INTS5: variants seen among roughly 807,000 people sequenced by gnomAD.
INTS5 encodes integrator complex subunit 5.
INTS5 carries 29 observed loss-of-function variants against 60.0 expected under a neutral mutation model. The observed-to-expected ratio is 0.48, with a 90% CI of 0.36 to 0.66. INTS5 has a LOEUF of 0.66. INTS5 is among the 30% of genes least tolerant of loss of function. INTS5 has a pLI of 0.00. For missense variants in INTS5, 1,129 were observed against 1,307.9 expected (o/e 0.86, Z 2.11); for synonymous variants, 588 against 558.8 (o/e 1.05, Z -0.74).
rs1343263109 is a variant in INTS5 at position 62,648,071 on chromosome 11, G to C, written c.2009C>G (p.Ala670Gly). The part of the protein sequence containing the change: ...RLHGPPGVAS[A>G]CQLLTRLSQT... The stretch of plus-strand genomic sequence containing the variant: ...AGACAGGCGGGTGAGAAGCTGACAG[G>C]CTGAGGCCACACCTGGGGGTCCATG... The change falls in exon 2 of 2, where the codon GCC becomes GGC. Residue 670 changes from alanine (A) to glycine (G), a missense_variant. By Grantham distance (60) the Ala-to-Gly change is moderately conservative. Transcript: ENST00000330574. This position sits in a 1 kb window ranked among gnomAD's most constrained non-coding sequence, Gnocchi z 4.4. The C allele has an allele frequency of 6.2e-7, 1 of 1,614,138 alleles. No individual in the cohort carries two copies. The highest frequency in any genetic ancestry group is 8.5e-7 in the Non-Finnish European group (1 of 1,179,990).
chr11:62,652,011 A>G (rs1486904552), intron 1 of INTS5, among the ~76,000 whole-genome samples: 1 of 151,970 alleles, frequency 6.6e-6, no homozygotes, highest in East Asian at 1.9e-4. Flanking sequence ...TTGTGTTTCT[A>G]TAATATCTGC....
intron 1 of INTS5, 71 bp from the exon 2 acceptor site, chr11:62,650,070 G>T: frequency 8.0e-7 from 1 of 1,249,802 alleles, no homozygotes; most frequent in Non-Finnish European, 1.1e-6. Context: ...TCCTGTATGA[G>T]CTTTGCCTTT....
chr11:62,647,585 G>A lies in INTS5; in HGVS notation c.2495C>T (p.Pro832Leu). 6.2e-6 allele frequency: 10 copies of A among 1,613,938 alleles called. No homozygotes were observed. The highest frequency in any genetic ancestry group is 8.5e-6 in the Non-Finnish European group (10 of 1,180,022). Residue 832 changes from proline (P) to leucine (L), a missense_variant, in exon 2 of 2, where the codon CCC becomes CTC. Transcript: ENST00000330574. ...PDAAGAELAWPPEEHARATVE... is the reference protein window; with the variant it reads ...PDAAGAELAWLPEEHARATVE... ...GGTGGCCCGGGCGTGTTCCTCGGGG[G>A]GCCAGGCCAGCTCTGCACCAGCTGC... is the stretch of plus-strand genomic sequence containing the variant.
rs750515083 is a variant in INTS5, at chr11:62,647,377, G to A, written c.2703C>T (p.Pro901=). 1.9e-6 allele frequency: 3 copies of A among 1,613,100 alleles called. No homozygotes were observed. The African/African-American group carries it at 4.0e-5, about 22-fold the overall frequency. Residue 901 remains proline (P), a synonymous_variant, in exon 2 of 2, where the codon CCC becomes CCT. Transcript: ENST00000330574. ...AGGTGCAGGATGCCTCCAGGTGCCA[G>A]GGGGAGTGGGTCGTGTCAGGGTGGC... The part of the protein sequence containing the change: ...ASRHPDTTHS[P]WHLEASCTLV...
Position 62,649,022 on chromosome 11 carries a change from C to T in INTS5, c.1058G>A (p.Gly353Asp). The change falls in exon 2 of 2, where the codon GGC becomes GAC. Residue 353 changes from glycine to aspartate, a missense_variant. This residue lies in a region of INTS5 where 1,070 missense variants were observed against 1,246.1 expected (regional missense o/e 0.86). Coordinates refer to ENST00000330574, the MANE Select transcript of INTS5 (RefSeq NM_030628.2). The surrounding 1 kb of genome is among the most constrained non-coding windows in gnomAD (Gnocchi z 6.0). ...ATCCACAAGCTCTCCAGAGACAGTG[C>T]CCAGCAAAGCTGGTGACATGACTGC... The part of the protein sequence containing the change: ...QLAVMSPALL[G>D]TVSGELVDCL... 1.2e-6 allele frequency: 2 copies of T among 1,612,924 alleles called. No homozygotes were observed. Among genetic ancestry groups the T allele is most frequent in the Non-Finnish European group, 1.7e-6 (2 of 1,179,312 alleles).
rs768839886 is a variant in INTS5, at chr11:62,647,808, A to C, written c.2272T>G (p.Leu758Val). The change falls in exon 2 of 2, where the codon TTA becomes GTA. Residue 758 changes from leucine to valine, a missense_variant. Physicochemically the swap from Leu to Val is conservative, Grantham distance 32. Transcript: ENST00000330574. ...VFHAGVIGRGLKPPKFVQSRN... is the reference protein window; with the variant it reads ...VFHAGVIGRGVKPPKFVQSRN... ...GACTGGACAAACTTGGGTGGCTTTA[A>C]GCCACGGCCGATGACTCCAGCATGG... 1.9e-6 allele frequency: 3 copies of C among 1,614,112 alleles called. No individual in the cohort carries two copies. Among genetic ancestry groups the C allele is most frequent in the Non-Finnish European group, 2.5e-6 (3 of 1,180,040 alleles).
intron 1 of INTS5, among the ~76,000 whole-genome samples, chr11:62,652,165 CA>C (rs559845253): frequency 0.016 from 2,063 of 130,986 alleles, 48 homozygotes; most frequent in African/African-American, 0.056. Context: ...ATTAAAAATA[CA>C]AAAAAAAAAA....
At position 62,648,033 on chromosome 11, in the gene INTS5, C is replaced by G. The variant is rs1944551136; in HGVS notation, c.2047G>C (p.Ala683Pro). ...AGCTGCAGGACAGCCTTGAGCCCAG[C>G]TGGGGATGTCTGAGACAGGCGGGTG... ...LLTRLSQTSP[A>P]GLKAVLQLLV... The change falls in exon 2 of 2, where the codon GCT (alanine) becomes CCT (proline). Residue 683 changes from alanine (A) to proline (P), a missense_variant. By Grantham distance (27) the Ala-to-Pro change is conservative (BLOSUM62 -1). Coordinates refer to ENST00000330574, the MANE Select transcript of INTS5 (RefSeq NM_030628.2). This position sits in a 1 kb window ranked among gnomAD's most constrained non-coding sequence, Gnocchi z 4.4. 1 of 1,614,180 alleles carries G rather than the reference C, an allele frequency of 6.2e-7. No homozygotes were observed. Among genetic ancestry groups the G allele is most frequent in the Non-Finnish European group, 8.5e-7 (1 of 1,180,020 alleles).
In INTS5 at chr11:62,649,210, C is replaced by T; in HGVS notation, c.870G>A (p.Lys290=). 1 of 1,613,940 alleles carries T rather than the reference C, an allele frequency of 6.2e-7. No homozygotes were observed. Among genetic ancestry groups the T allele is most frequent in the Non-Finnish European group, 8.5e-7 (1 of 1,179,836 alleles). ...CTAGGATGCCTACAACTGAGGCAAT[C>T]TTGGGCACCCGTTTCTCCGCAGGAA... ...PAIPAEKRVP[K]IASVVGILGH... Residue 290 remains lysine, a synonymous_variant, in exon 2 of 2, where the codon AAG becomes AAA. Coordinates refer to ENST00000330574, the MANE Select transcript of INTS5 (RefSeq NM_030628.2). The surrounding 1 kb of genome is among the most constrained non-coding windows in gnomAD (Gnocchi z 6.0).
In INTS5 at chr11:62,647,712, G is replaced by A. The variant is rs1166817413; in HGVS notation, c.2368C>T (p.Pro790Ser). 6.2e-7 allele frequency: 1 copy of A among 1,614,132 alleles called. No individual in the cohort carries two copies. Among genetic ancestry groups the A allele is most frequent in the East Asian group, 2.2e-5 (1 of 44,884 alleles). Residue 790 changes from proline to serine, a missense_variant, in exon 2 of 2, where the codon CCA (proline) becomes TCA (serine). By Grantham distance (74) the Pro-to-Ser change is moderately conservative (BLOSUM62 -1). Coordinates refer to ENST00000330574, the MANE Select transcript of INTS5 (RefSeq NM_030628.2). ...CATTCCCCACATTCAGTGCCCCCTG[G>A]GGCACTGCAGCAGTGAACCAGGAGG... ...LSLLVHCCSA[P>S]GGTECGECWG... is the part of the protein sequence containing the mutation.
In INTS5 at chr11:62,648,488, T is replaced by C. The variant is rs780882290; in HGVS notation, c.1592A>G (p.Glu531Gly). The C allele has an allele frequency of 5.6e-6, 9 of 1,613,990 alleles. No homozygotes were observed. The highest frequency in any genetic ancestry group is 7.6e-6 in the Non-Finnish European group (9 of 1,180,030). Reference sequence around the variant, plus strand: ...ATATAACTGGGTGGCCAAACTCAACTCTTCAGGGCTTCGGGCTCGGCTCAG... The same window carrying C: ...ATATAACTGGGTGGCCAAACTCAACCCTTCAGGGCTTCGGGCTCGGCTCAG... Reference protein sequence around the residue: ...HLLSRARSPEELSLATQLYAG... With the variant: ...HLLSRARSPEGLSLATQLYAG... The change falls in exon 2 of 2, where the codon GAG (glutamate) becomes GGG (glycine). Residue 531 changes from glutamate to glycine, a missense_variant. Glu to Gly is a moderately conservative substitution (Grantham distance 98). This residue lies in a region of INTS5 where 1,070 missense variants were observed against 1,246.1 expected (regional missense o/e 0.86). Transcript: ENST00000330574. This position sits in a 1 kb window ranked among gnomAD's most constrained non-coding sequence, Gnocchi z 4.4.
At position 62,653,286 on chromosome 11, in the gene INTS5, G is replaced by C; in HGVS notation, c.-37C>G. The C allele has an allele frequency of 8.1e-7, 1 of 1,231,250 alleles. No individual in the cohort carries two copies. The highest frequency in any genetic ancestry group is 1.0e-6 in the Non-Finnish European group (1 of 978,168). 76.3% of individuals were successfully genotyped at this position (1,231,250 alleles called of 1,614,324 possible). A position where few individuals can be genotyped will look rare whatever the true frequency, so the allele number is the denominator to read the frequency against. ...AGCCGAGCCCGAGGCGCGAGCGGCG[G>C]AGCGCAGGCGGCGCATGCGCGCTGA... On this transcript the variant is annotated 5_prime_UTR_variant, in exon 1 of 2. Transcript: ENST00000330574.
rs1944578421 is a variant in INTS5, at chr11:62,649,632, C to T, written c.448G>A (p.Asp150Asn). ...WAPVISAWSI[D>N]LMGQLSSTYS... ...GTGCTGCTCAGTTGCCCCATGAGGT[C>T]AATGGACCATGCACTAATCACAGGT... The change falls in exon 2 of 2, where the codon GAC (aspartate) becomes AAC (asparagine). Residue 150 changes from aspartate to asparagine, a missense_variant. Coordinates refer to ENST00000330574, the MANE Select transcript of INTS5 (RefSeq NM_030628.2). This position sits in a 1 kb window ranked among gnomAD's most constrained non-coding sequence, Gnocchi z 6.0. 2 of 1,614,182 alleles carry T rather than the reference C, an allele frequency of 1.2e-6. No homozygotes were observed. The highest frequency in any genetic ancestry group is 1.7e-6 in the Non-Finnish European group (2 of 1,180,028).
chr11:62,648,978 C>G lies in INTS5; in HGVS notation c.1102G>C (p.Val368Leu). 6.2e-7 allele frequency: 1 copy of G among 1,613,262 alleles called. No individual in the cohort carries two copies. Among genetic ancestry groups the G allele is most frequent in the South Asian group, 1.1e-5 (1 of 91,068 alleles). The change falls in exon 2 of 2, where the codon GTG becomes CTG. Residue 368 changes from valine (V) to leucine (L), a missense_variant. Around this residue, in one of 3 missense-constraint regions of INTS5, gnomAD observed 1,070 missense variants for 1,246.1 expected, o/e 0.86. Transcript: ENST00000330574. The surrounding 1 kb of genome is among the most constrained non-coding windows in gnomAD (Gnocchi z 4.4). The part of the protein sequence containing the change: ...ELVDCLKPPA[V>L]LSQLQQHLQG... ...AGGTGTTGCTGCAGCTGGCTCAGCA[C>G]AGCTGGGGGCTTGAGGCAATCCACA... is the stretch of plus-strand genomic sequence containing the variant.
rs1944558600 is a variant in INTS5, at chr11:62,648,283, A to C, written c.1797T>G (p.Phe599Leu). Residue 599 changes from phenylalanine (F) to leucine (L), a missense_variant, in exon 2 of 2, where the codon TTT becomes TTG. Phe to Leu is a conservative substitution (Grantham distance 22, BLOSUM62 0). Coordinates refer to ENST00000330574, the MANE Select transcript of INTS5 (RefSeq NM_030628.2). The surrounding 1 kb of genome is among the most constrained non-coding windows in gnomAD (Gnocchi z 4.4). ...ACAGATGGGCTGAGGCAGATTCCCC[A>C]AAGTGCGCCCCTAGGGCTGCAGGGC... ...GEGPAALGAH[F>L]GESASAHLSD... 1 of 1,613,730 alleles carries C rather than the reference A, an allele frequency of 6.2e-7. No homozygotes were observed. Among genetic ancestry groups the C allele is most frequent in the Admixed American group, 1.7e-5 (1 of 59,998 alleles).
At position 62,648,784 on chromosome 11, in the gene INTS5, A is replaced by G. The variant is rs376051078; in HGVS notation, c.1296T>C (p.Arg432=). The G allele has an allele frequency of 8.1e-6, 13 of 1,614,048 alleles. No individual in the cohort carries two copies. The highest frequency in any genetic ancestry group is 1.0e-5 in the Non-Finnish European group (12 of 1,180,030). The change falls in exon 2 of 2, where the codon CGT becomes CGC. Residue 432 remains arginine (R), a synonymous_variant. Transcript: ENST00000330574. The surrounding 1 kb of genome is among the most constrained non-coding windows in gnomAD (Gnocchi z 4.4). Reference sequence around the variant, plus strand: ...GCTGGATTAGCCGGTCACAAGCCTCACGCACGGTGTCTGGCACAGCCAGGC... The same window carrying G: ...GCTGGATTAGCCGGTCACAAGCCTCGCGCACGGTGTCTGGCACAGCCAGGC... The part of the protein sequence containing the change: ...TQGLAVPDTV[R]EACDRLIQLL...
At position 62,647,567 on chromosome 11, in the gene INTS5, C is replaced by A; in HGVS notation, c.2513G>T (p.Arg838Leu). ...GCGGAGATCCCGCTCCACGGTGGCC[C>A]GGGCGTGTTCCTCGGGGGGCCAGGC... ...ELAWPPEEHARATVERDLRIG... is the reference protein window; with the variant it reads ...ELAWPPEEHALATVERDLRIG... The change falls in exon 2 of 2, where the codon CGG (arginine) becomes CTG (leucine). Residue 838 changes from arginine (R) to leucine (L), a missense_variant. Around this residue, in one of 3 missense-constraint regions of INTS5, gnomAD observed 1,070 missense variants for 1,246.1 expected, o/e 0.86. Transcript: ENST00000330574. 1 of 1,613,852 alleles carries A rather than the reference C, an allele frequency of 6.2e-7. No homozygotes were observed. Among genetic ancestry groups the A allele is most frequent in the Non-Finnish European group, 8.5e-7 (1 of 1,180,002 alleles).
In INTS5 at chr11:62,648,594, A is replaced by G. The variant is rs368821282; in HGVS notation, c.1486T>C (p.Phe496Leu). 4.3e-6 allele frequency: 7 copies of G among 1,613,974 alleles called. No individual in the cohort carries two copies. The highest frequency in any genetic ancestry group is 2.2e-5 in the East Asian group (1 of 44,890). The change falls in exon 2 of 2, where the codon TTC (phenylalanine) becomes CTC (leucine). Residue 496 changes from phenylalanine to leucine, a missense_variant. Phe to Leu is a conservative substitution (Grantham distance 22, BLOSUM62 0). Around this residue, in one of 3 missense-constraint regions of INTS5, gnomAD observed 1,070 missense variants for 1,246.1 expected, o/e 0.86. Transcript: ENST00000330574. The surrounding 1 kb of genome is among the most constrained non-coding windows in gnomAD (Gnocchi z 4.4). The stretch of plus-strand genomic sequence containing the variant: ...CCCAAGAGCTGGTGCTGCCAGAGGA[A>G]GCGCTTCCGTTCCAATCGTAACGTC... Reference protein sequence around the residue: ...GETLRLERKRFLWQHQLLGLL... With the variant: ...GETLRLERKRLLWQHQLLGLL...
rs1944580406 is a variant in INTS5 at position 62,649,855 on chromosome 11, G to T, written c.225C>A (p.Asp75Glu). ...TCTCATCAAAGACACCTCTCAAGTG[G>T]TCAAGCACAGCAGCCCGAGCAGGTG... ...SLPPARAAVL[D>E]HLRGVFDESV... Residue 75 changes from aspartate (D) to glutamate (E), a missense_variant, in exon 2 of 2, where the codon GAC (aspartate) becomes GAA (glutamate). Transcript: ENST00000330574. This position sits in a 1 kb window ranked among gnomAD's most constrained non-coding sequence, Gnocchi z 6.0. The T allele has an allele frequency of 6.2e-7, 1 of 1,614,064 alleles. No individual in the cohort carries two copies. Among genetic ancestry groups the T allele is most frequent in the African/African-American group, 1.3e-5 (1 of 74,934 alleles).
Sources: gnomAD v4.1 joint callset for allele counts (sites outside exome capture counted in the v4.1 genomes callset) on GRCh38, gnomAD v4.1.1 for gene constraint, gnomAD v4.1.1 regional missense constraint, Gnocchi (gnomAD v3.1) non-coding constraint, MANE v1.5 for transcripts, NCBI Gene and HGNC (gene_info 2026-07-23, HGNC 2026-07-21) for gene names.